MECOM: variants seen among roughly 807,000 people sequenced by gnomAD.
MECOM encodes the protein histone-lysine N-methyltransferase MECOM.
MECOM carries 13 observed loss-of-function variants against 116.3 expected under a neutral mutation model. The ratio of observed to expected loss-of-function variants is 0.11; its 90% CI spans 0.07 to 0.18. MECOM has a LOEUF of 0.18. MECOM is among the 10% of genes least tolerant of loss of function. MECOM has a pLI of 1.00. For synonymous variants in MECOM, 528 were observed against 535.2 expected (o/e 0.99, Z 0.19); for missense variants, 1,299 against 1,509.0 (o/e 0.86, Z 2.31).
In MECOM at chr3:169,572,160, C is replaced by G. The variant is rs549733041; in HGVS notation, c.37+91176G>C. Among the ~76,000 whole-genome samples the G allele has an allele frequency of 2.2e-4, 33 of 152,160 alleles. 1 individual carries two copies. The highest frequency in any genetic ancestry group is 7.9e-4 in the African/African-American group (33 of 41,514). ...AATTTACAAGAAACTATCAAACAACCCCATCAAAAAGTGGATGAATGATAT... is the reference window on the plus strand; with the variant it reads ...AATTTACAAGAAACTATCAAACAACGCCATCAAAAAGTGGATGAATGATAT... On this transcript the variant is annotated intron_variant, in intron 1 of 16. Transcript: ENST00000651503.
intron 2 of MECOM, among the ~76,000 whole-genome samples, chr3:169,328,785 G>A (rs1026493056): frequency 6.6e-6 from 1 of 152,086 alleles, no homozygotes; most frequent in Non-Finnish European, 1.5e-5. Context: ...GGAAAACAAG[G>A]TCAACCTCCT....
chr3:169,649,972 C>A (rs73032041), intron 1 of MECOM, among the ~76,000 whole-genome samples: 4,244 of 152,250 alleles, frequency 0.028, 185 homozygotes, highest in African/African-American at 0.093. Context: ...ATTTTTGTAA[C>A]CTTCTGTGTA....
intron 1 of MECOM, among the ~76,000 whole-genome samples, chr3:169,609,459 T>C (rs1166048794): frequency 2.5e-5 from 1 of 40,686 alleles, no homozygotes; most frequent in Non-Finnish European, 5.5e-5. Context: ...AGTTAATCAT[T>C]TTTTTTTTTT....
At chr3:169,189,765 T>TTC (rs753298762) in intron 2 of MECOM, among the ~76,000 whole-genome samples, 3 of 151,958 alleles carry the variant, frequency 2.0e-5, no homozygotes, top group South Asian at 4.1e-4. Flanking sequence ...TTGACATAAA[T>TTC]TCTCTCTCTC....
chr3:169,272,660 G>A (rs1269624381), intron 2 of MECOM, among the ~76,000 whole-genome samples: 7 of 152,092 alleles, frequency 4.6e-5, no homozygotes, highest in South Asian at 2.1e-4. Flanking sequence ...TGTGGATGAC[G>A]ACTTCCCAAT....
intron 2 of MECOM, among the ~76,000 whole-genome samples, chr3:169,322,885 C>A (rs1721119044): frequency 6.9e-6 from 1 of 144,346 alleles, no homozygotes; most frequent in South Asian, 2.2e-4. Context: ...GTAATCCCAG[C>A]TACGTGGGAG....
At chr3:169,260,358 C>T (rs1201333667) in intron 2 of MECOM, among the ~76,000 whole-genome samples, 1 of 152,096 alleles carries the variant, frequency 6.6e-6, no homozygotes, top group Non-Finnish European at 1.5e-5. Context: ...AAAAAGACAT[C>T]AGTCTGCTTT....
intron 1 of MECOM, among the ~76,000 whole-genome samples, chr3:169,542,370 C>A (rs543639864): frequency 1.3e-5 from 2 of 151,982 alleles, no homozygotes; most frequent in Admixed American, 6.6e-5. Flanking sequence ...ACGACTCCCC[C>A]CTCCGCCTAT....
Position 169,127,897 on chromosome 3 carries a change from T to C in MECOM, c.777A>G (p.Ile259Met). 6.2e-7 allele frequency: 1 copy of C among 1,614,090 alleles called. No homozygotes were observed. Among genetic ancestry groups the C allele is most frequent in the Non-Finnish European group, 8.5e-7 (1 of 1,179,946 alleles). Residue 259 changes from isoleucine (I) to methionine (M), a missense_variant, in exon 5 of 17, where the codon ATA (isoleucine) becomes ATG (methionine). By Grantham distance (10) the Ile-to-Met change is conservative (BLOSUM62 1). Transcript: ENST00000651503. The stretch of plus-strand genomic sequence containing the variant: ...ATTCCTTACACTCCTGGATCGTGTG[T>C]ATCTCTTGGAGATCATTCTCGCTTT... ...KLESENDLQE[I>M]HTIQECKECD...
In MECOM at chr3:169,145,223, C is replaced by T. The variant is rs969157989; in HGVS notation, c.376-1391G>A. 2.4e-5 allele frequency: 13 copies of T among 541,336 alleles called. No individual in the cohort carries two copies. In the South Asian group the frequency reaches 2.6e-4, roughly 11 times the overall value. 33.5% of individuals were successfully genotyped at this position (541,336 alleles called of 1,614,324 possible). On this transcript the variant is annotated intron_variant, in intron 2 of 16. Coordinates refer to ENST00000651503, the MANE Select transcript of MECOM (RefSeq NM_004991.4). The stretch of plus-strand genomic sequence containing the variant: ...ATCAAACTCTTCTTTTTCAAGGATG[C>T]CTCTTCACACTAACAACGACAGAAG...
At chr3:169,225,376 G>T (rs1752611394) in intron 2 of MECOM, among the ~76,000 whole-genome samples, 1 of 152,170 alleles carries the variant, frequency 6.6e-6, no homozygotes, top group Non-Finnish European at 1.5e-5. Flanking sequence ...AACCAATGGG[G>T]ATAGAGTGGT....
intron 2 of MECOM, among the ~76,000 whole-genome samples, chr3:169,167,808 A>T (rs1198704436): frequency 6.6e-6 from 1 of 150,954 alleles, no homozygotes; most frequent in Non-Finnish European, 1.5e-5. Flanking sequence ...CAGCTTCAAA[A>T]TTGCTTTTAA....
At chr3:169,252,815 A>C (rs901783304) in intron 2 of MECOM, among the ~76,000 whole-genome samples, 52 of 152,356 alleles carry the variant, frequency 3.4e-4, no homozygotes, top group Non-Finnish European at 3.2e-4. Context: ...ACAGGCTAGC[A>C]GATGGCTAAA....
Position 169,121,159 on chromosome 3 carries a change from G to C in MECOM, c.1029C>G (p.Val343=). The C allele has an allele frequency of 6.8e-6, 11 of 1,613,284 alleles. No homozygotes were observed. The highest frequency in any genetic ancestry group is 9.3e-6 in the Non-Finnish European group (11 of 1,179,714). Residue 343 remains valine, a synonymous_variant, in exon 7 of 17, where the codon GTC becomes GTG. Transcript: ENST00000651503. ...CCGGGCATGCATGGGCCCGGGCACC[G>C]ACATGCTGAGAGCGAATGTGCCGCT... is the stretch of plus-strand genomic sequence containing the variant. ...NLQRHIRSQH[V]GARAHACPEC...
intron 2 of MECOM, among the ~76,000 whole-genome samples, chr3:169,276,274 G>A (rs1005022387): frequency 1.3e-5 from 2 of 152,012 alleles, no homozygotes; most frequent in South Asian, 2.1e-4. Flanking sequence ...TCCTATGGCC[G>A]GGCGCAGTGG....
At chr3:169,568,695 C>G (rs1254638388) in intron 1 of MECOM, among the ~76,000 whole-genome samples, 1 of 152,220 alleles carries the variant, frequency 6.6e-6, no homozygotes, top group Non-Finnish European at 1.5e-5. Flanking sequence ...CAGAACATCT[C>G]TGAAATAAAA....
chr3:169,131,966 A>C (rs1210044792), intron 3 of MECOM: 1 of 993,822 alleles, frequency 1.0e-6, no homozygotes, highest in Non-Finnish European at 1.2e-6. Context: ...GCAAGTTTGC[A>C]AAAGTAGCGC....
chr3:169,265,663 C>T lies in MECOM; in HGVS notation c.375+115524G>A, dbSNP rs114126660. Among the ~76,000 whole-genome samples, 516 of 152,198 alleles carry T rather than the reference C, an allele frequency of 3.4e-3. 2 individuals are homozygous for T. Among genetic ancestry groups the T allele is most frequent in the Middle Eastern group, 0.014 (4 of 294 alleles). The stretch of plus-strand genomic sequence containing the variant: ...CTTGAGCACAATGGAACACTAAAAG[C>T]GGGAGAATAAAACAATAAGTTAATA... On this transcript the variant is annotated intron_variant, in intron 2 of 16. Coordinates refer to ENST00000651503, the MANE Select transcript of MECOM (RefSeq NM_004991.4).
chr3:169,171,132 T>C (rs376891257), intron 2 of MECOM, among the ~76,000 whole-genome samples: 41 of 152,354 alleles, frequency 2.7e-4, no homozygotes, highest in African/African-American at 7.0e-4. Context: ...TTTAATGTTA[T>C]ACATACTAAT....
Sources: allele counts gnomAD v4.1 joint callset (sites outside exome capture counted in the v4.1 genomes callset), GRCh38; gene constraint gnomAD v4.1.1; transcripts MANE v1.5; gene names NCBI Gene and HGNC (gene_info 2026-07-23, HGNC 2026-07-21).